The following EML6 variants were observed in gnomAD, a reference collection of about 807,000 sequenced individuals.
EML6 encodes the protein EMAP like 6, also known as echinoderm microtubule-associated protein-like 6.
Under a neutral mutation model 240.1 loss-of-function variants are expected in EML6, and 154 were observed. That is an observed-to-expected ratio of 0.64 (90% CI 0.56 to 0.73). The LOEUF is 0.73. Ranked by LOEUF, EML6 falls within the 30% of genes least tolerant of loss-of-function variation. The pLI is 0.00. For missense variants in EML6, 2,964 were observed against 2,474.6 expected, an observed-to-expected ratio of 1.20 and a Z score of -4.20; for synonymous variants, 1,148 against 899.0, an observed-to-expected ratio of 1.28 and a Z score of -4.95.
intron 19 of EML6, among the ~76,000 whole-genome samples, chr2:54,892,985 C>A (rs1248515635): frequency 6.6e-6 from 1 of 152,164 alleles, no homozygotes; most frequent in Non-Finnish European, 1.5e-5. Context: ...TCAGCATTGT[C>A]TTCCTCCTTG....
At chr2:54,760,949 G>A (rs1667956233) in intron 2 of EML6, among the ~76,000 whole-genome samples, 1 of 151,666 alleles carries the variant, frequency 6.6e-6, no homozygotes, top group South Asian at 2.1e-4. Flanking sequence ...ATGATGAATG[G>A]TGACCAATAA....
intron 11 of EML6, 94 bp from the exon 12 acceptor site, chr2:54,859,440 A>G (rs1292598636): frequency 3.2e-6 from 3 of 950,062 alleles, no homozygotes; most frequent in Middle Eastern, 2.4e-4. Context: ...ATATTTAAAG[A>G]TTTTACTCTT....
chr2:54,783,319 G>T (rs1668936770), intron 2 of EML6, among the ~76,000 whole-genome samples: 1 of 151,952 alleles, frequency 6.6e-6, no homozygotes, highest in African/African-American at 2.4e-5. Context: ...CTGTTATATT[G>T]CAAGTAAAAA....
At chr2:54,955,494 C>G (rs1676189990) in intron 32 of EML6, among the ~76,000 whole-genome samples, 1 of 152,216 alleles carries the variant, frequency 6.6e-6, no homozygotes, top group East Asian at 1.9e-4. Context: ...AAAGCCCCTT[C>G]TTATGTGGGG....
intron 5 of EML6, among the ~76,000 whole-genome samples, chr2:54,823,155 T>G (rs1268690008): frequency 1.3e-5 from 2 of 152,198 alleles, no homozygotes; most frequent in Non-Finnish European, 2.9e-5. Flanking sequence ...ATTAAAACAT[T>G]AAGACAGAAT....
chr2:54,761,534 C>T (rs1248962347), intron 2 of EML6, among the ~76,000 whole-genome samples: 2 of 152,050 alleles, frequency 1.3e-5, no homozygotes, highest in Non-Finnish European at 2.9e-5. Flanking sequence ...TTTAAAAAAT[C>T]ACAAAGGCAT....
chr2:54,895,263 C>G lies in EML6; in HGVS notation c.2855-10C>G, dbSNP rs1250878508. The stretch of plus-strand genomic sequence containing the variant: ...TGTTATTGTGTTAAATATACCATCC[C>G]CTTCCCCAGGCTTGCTTTTGGAAGA... On this transcript the variant is annotated splice_polypyrimidine_tract_variant and intron_variant, in intron 20 of 41. Transcript: ENST00000356458. The G allele has an allele frequency of 2.6e-6, 4 of 1,551,350 alleles. No homozygotes were observed. In the Admixed American group the frequency reaches 5.9e-5, roughly 23 times the overall value.
intron 2 of EML6, among the ~76,000 whole-genome samples, chr2:54,748,854 TC>T (rs1684032210): frequency 6.6e-6 from 1 of 152,208 alleles, no homozygotes; most frequent in South Asian, 2.1e-4. Context: ...TGCGCCACTG[TC>T]CCTGGCCAGA....
intron 2 of EML6, among the ~76,000 whole-genome samples, chr2:54,793,059 G>T (rs1669543434): frequency 6.6e-6 from 1 of 152,176 alleles, no homozygotes; most frequent in Non-Finnish European, 1.5e-5. Flanking sequence ...CATGAGGCCA[G>T]GAGTTTGAGA....
intron 17 of EML6, among the ~76,000 whole-genome samples, chr2:54,887,729 G>A (rs1002387635): frequency 1.3e-5 from 2 of 152,122 alleles, no homozygotes; most frequent in Non-Finnish European, 2.9e-5. Flanking sequence ...CTACCAAGGT[G>A]TTCCATTTTT....
chr2:54,854,999 A>T (rs1329406307), intron 11 of EML6, among the ~76,000 whole-genome samples: 1 of 152,222 alleles, frequency 6.6e-6, no homozygotes, highest in African/African-American at 2.4e-5. Context: ...TTGGGAATAA[A>T]CATAACTCGA....
intron 2 of EML6, among the ~76,000 whole-genome samples, chr2:54,726,945 G>C (rs563145289): frequency 1.3e-5 from 2 of 152,296 alleles, no homozygotes; most frequent in Non-Finnish European, 2.9e-5. Flanking sequence ...CTACTTTGTG[G>C]ATTTGAACTC....
In EML6 at chr2:54,909,689, A is replaced by G. The variant is rs190559797; in HGVS notation, c.3410-1265A>G. ...GATGACTCTCTGTCTCTACTAAAAA[A>G]TAGAATTAGCCAAGTGTGGTGGTGG... On this transcript the variant is annotated intron_variant, in intron 24 of 41. Transcript: ENST00000356458. Among the ~76,000 whole-genome samples the G allele has an allele frequency of 1.9e-4, 29 of 152,136 alleles. No homozygotes were observed. In the East Asian group the frequency reaches 5.2e-3, roughly 27 times the overall value.
chr2:54,821,157 C>T (rs929048358), intron 5 of EML6, among the ~76,000 whole-genome samples: 4 of 152,110 alleles, frequency 2.6e-5, no homozygotes, highest in Non-Finnish European at 4.4e-5. Flanking sequence ...GGATTACTTT[C>T]TTGAATAGAG....
rs570433040 is a variant in EML6 at position 54,954,062 on chromosome 2, G to T, written c.4392G>T (p.Gly1464=). The change falls in exon 32 of 42, where the codon GGG becomes GGT. Residue 1464 remains glycine, a synonymous_variant. Transcript: ENST00000356458. ...TGCTGCGGTGCTTCCACTCCAAGGGGGTGAATTACATCAACTTCAGTGCAA... is the reference window on the plus strand; with the variant it reads ...TGCTGCGGTGCTTCCACTCCAAGGGTGTGAATTACATCAACTTCAGTGCAA... ...LSMLRCFHSK[G]VNYINFSATG... 6.4e-7 allele frequency: 1 copy of T among 1,551,730 alleles called. No individual in the cohort carries two copies. The highest frequency in any genetic ancestry group is 2.0e-5 in the Admixed American group (1 of 50,978).
intron 2 of EML6, among the ~76,000 whole-genome samples, chr2:54,794,884 C>A (rs1314872311): frequency 6.6e-6 from 1 of 152,106 alleles, no homozygotes; most frequent in Non-Finnish European, 1.5e-5. Flanking sequence ...CAAGACCAGC[C>A]CTCATCTGTA....
At chr2:54,914,228 A>G (rs150723898) in intron 25 of EML6, among the ~76,000 whole-genome samples, 1 of 152,328 alleles carries the variant, frequency 6.6e-6, no homozygotes, top group East Asian at 1.9e-4. Context: ...CTGGTTTTAC[A>G]GATAAGGAAA....
chr2:54,796,644 C>G (rs906044389), intron 2 of EML6, among the ~76,000 whole-genome samples: 7 of 152,014 alleles, frequency 4.6e-5, no homozygotes, highest in African/African-American at 1.7e-4. Flanking sequence ...ACTTAAGTGA[C>G]TGTTAGTTCA....
At chr2:54,836,879 T>C (rs1394997536) in intron 7 of EML6, among the ~76,000 whole-genome samples, 1 of 152,136 alleles carries the variant, frequency 6.6e-6, no homozygotes, top group East Asian at 1.9e-4. Flanking sequence ...TCTTTCACAT[T>C]TCCAAACTCT....
Sources: allele counts gnomAD v4.1 joint callset (sites outside exome capture counted in the v4.1 genomes callset), GRCh38; gene constraint gnomAD v4.1.1; transcripts MANE v1.5; gene names NCBI Gene and HGNC (gene_info 2026-07-23, HGNC 2026-07-21).